HIF1A: variants seen among roughly 807,000 people sequenced by gnomAD.
The protein encoded by HIF1A is hypoxia-inducible factor 1-alpha.
A neutral mutation model predicts 92.7 loss-of-function variants in HIF1A; 24 were observed. The ratio of observed to expected loss-of-function variants is 0.26; its 90% CI spans 0.19 to 0.36. The LOEUF is 0.36. HIF1A is among the 10% of genes least tolerant of loss of function. The pLI, the probability that HIF1A is intolerant of heterozygous loss-of-function variation, is 1.00. For synonymous variants in HIF1A, 319 were observed against 338.7 expected (o/e 0.94, Z 0.64); for missense variants, 799 against 998.5 (o/e 0.80, Z 2.69).
intron 1 of HIF1A, among the ~76,000 whole-genome samples, chr14:61,710,504 T>C (rs2044294544): frequency 6.6e-6 from 1 of 152,178 alleles, no homozygotes; most frequent in South Asian, 2.1e-4. Flanking sequence ...TTAAAGTTTA[T>C]TGATTAGAAT....
chr14:61,705,675 G>A (rs998782535), intron 1 of HIF1A, among the ~76,000 whole-genome samples: 3 of 152,140 alleles, frequency 2.0e-5, no homozygotes, highest in African/African-American at 7.2e-5. Flanking sequence ...GGAAAAGGGT[G>A]GAGATTCTCA....
chr14:61,734,231 A>T lies in HIF1A; in HGVS notation c.974A>T (p.Tyr325Phe), dbSNP rs764016802. The T allele has an allele frequency of 1.2e-6, 2 of 1,613,226 alleles. No homozygotes were observed. Among genetic ancestry groups the T allele is most frequent in the Non-Finnish European group, 1.7e-6 (2 of 1,179,196 alleles). Residue 325 changes from tyrosine to phenylalanine, a missense_variant, in exon 8 of 15, where the codon TAT becomes TTT. Physicochemically the swap from Tyr to Phe is conservative, Grantham distance 22. Around this residue, in one of 2 missense-constraint regions of HIF1A, gnomAD observed 516 missense variants for 721.0 expected, o/e 0.72. Transcript: ENST00000337138. ...VWVETQATVI[Y>F]NTKNSQPQCI... ...GTTGAAACTCAAGCAACTGTCATATATAACACCAAGAATTCTCAACCACAG... is the reference window on the plus strand; with the variant it reads ...GTTGAAACTCAAGCAACTGTCATATTTAACACCAAGAATTCTCAACCACAG...
In HIF1A at chr14:61,727,737, C is replaced by T. The variant is rs17099143; in HGVS notation, c.773+82C>T. ...AATATTCACCATAGCAAAGATTCAG[C>T]GCTGGCCATGCATGGTGGCTCACAC... is the stretch of plus-strand genomic sequence containing the variant. On this transcript the variant is annotated intron_variant, in intron 6 of 14. Coordinates refer to ENST00000337138, the MANE Select transcript of HIF1A (RefSeq NM_001530.4). 3,483 of 1,058,048 alleles carry T rather than the reference C, an allele frequency of 3.3e-3. 74 individuals are homozygous for T. In the African/African-American group the frequency reaches 0.047, roughly 14 times the overall value. The allele number at this position is 1,058,048 out of a possible 1,614,324, so 65.5% of individuals were successfully genotyped here.
chr14:61,745,714 C>T lies in HIF1A; in HGVS notation c.2226C>T (p.Asp742=), dbSNP rs1323752718. Residue 742 remains aspartate (D), a synonymous_variant, in exon 14 of 15, where the codon GAC becomes GAT. Transcript: ENST00000337138. ...VGIGTLLQQP[D]DHAATTSLSW... is the part of the protein sequence containing the mutation. ...AGGGAACATTATTACAGCAGCCAGACGATCATGCAGCTACTACATCACTTT... is the reference window on the plus strand; with the variant it reads ...AGGGAACATTATTACAGCAGCCAGATGATCATGCAGCTACTACATCACTTT... 11 of 1,612,446 alleles carry T rather than the reference C, an allele frequency of 6.8e-6. No individual in the cohort carries two copies. Among genetic ancestry groups the T allele is most frequent in the East Asian group, 4.5e-5 (2 of 44,836 alleles).
At chr14:61,724,889 GAAT>G (rs2044484226) in intron 4 of HIF1A, among the ~76,000 whole-genome samples, 1 of 152,084 alleles carries the variant, frequency 6.6e-6, no homozygotes, top group Non-Finnish European at 1.5e-5. Flanking sequence ...GCCCCTTGTT[GAAT>G]ATTTAGGCAG....
chr14:61,729,483 A>C (rs2044548944), intron 6 of HIF1A, among the ~76,000 whole-genome samples: 1 of 151,776 alleles, frequency 6.6e-6, no homozygotes, highest in African/African-American at 2.4e-5. Context: ...ACAAAACAAA[A>C]AAAAGACCTC....
At position 61,741,078 on chromosome 14, in the gene HIF1A, T is replaced by C. The variant is rs1204872369; in HGVS notation, c.1983T>C (p.Asp661=). 2 of 1,613,758 alleles carry C rather than the reference T, an allele frequency of 1.2e-6. No individual in the cohort carries two copies. Among genetic ancestry groups the C allele is most frequent in the Admixed American group, 1.7e-5 (1 of 60,006 alleles). Residue 661 remains aspartate, a synonymous_variant, in exon 12 of 15, where the codon GAT becomes GAC. Coordinates refer to ENST00000337138, the MANE Select transcript of HIF1A (RefSeq NM_001530.4). ...TTSATSSPYR[D]TQSRTASPNR... ...GTGCCACATCATCACCATATAGAGATACTCAAAGTCGGACAGCCTCACCAA... is the reference window on the plus strand; with the variant it reads ...GTGCCACATCATCACCATATAGAGACACTCAAAGTCGGACAGCCTCACCAA...
intron 1 of HIF1A, among the ~76,000 whole-genome samples, chr14:61,712,178 A>G (rs563780319): frequency 1.3e-5 from 2 of 152,318 alleles, no homozygotes; most frequent in Non-Finnish European, 2.9e-5. Flanking sequence ...AGACTGCGAC[A>G]AAGACTTGAA....
In HIF1A at chr14:61,747,093, C is replaced by G; in HGVS notation, c.*8C>G. 1 of 1,597,296 alleles carries G rather than the reference C, an allele frequency of 6.3e-7. No homozygotes were observed. Among genetic ancestry groups the G allele is most frequent in the Non-Finnish European group, 8.5e-7 (1 of 1,175,270 alleles). On this transcript the variant is annotated 3_prime_UTR_variant, in exon 15 of 15. Coordinates refer to ENST00000337138, the MANE Select transcript of HIF1A (RefSeq NM_001530.4). Reference sequence around the variant, plus strand: ...TTGGATCAAGTTAACTGAGCTTTTTCTTAATTTCATTCCTTTTTTTGGACA... The same window carrying G: ...TTGGATCAAGTTAACTGAGCTTTTTGTTAATTTCATTCCTTTTTTTGGACA...
chr14:61,740,552 C>A lies in HIF1A; in HGVS notation c.1584C>A (p.Val528=). The A allele has an allele frequency of 6.3e-7, 1 of 1,599,298 alleles. No homozygotes were observed. Among genetic ancestry groups the A allele is most frequent in the South Asian group, 1.1e-5 (1 of 90,202 alleles). ...GTTTTTATGTGGATAGTGATATGGT[C>A]AATGAATTCAAGTTGGAATTGGTAG... is the stretch of plus-strand genomic sequence containing the variant. The part of the protein sequence containing the change: ...EYCFYVDSDM[V]NEFKLELVEK... The change falls in exon 11 of 15, where the codon GTC becomes GTA. Residue 528 remains valine (V), a synonymous_variant. Transcript: ENST00000337138.
rs1004126457 is a variant in HIF1A at position 61,697,628 on chromosome 14, A to G, written c.35+1789A>G. The stretch of plus-strand genomic sequence containing the variant: ...TTACTTTCAAAATTTTCTCATTTGA[A>G]AACTTGGCAACCTTGGATTGGATGG... On this transcript the variant is annotated intron_variant, in intron 1 of 14. Transcript: ENST00000337138. 4 of 1,110,682 alleles carry G rather than the reference A, an allele frequency of 3.6e-6. No homozygotes were observed. The African/African-American group carries it at 6.5e-5, about 18-fold the overall frequency. 68.8% of individuals were successfully genotyped at this position (1,110,682 alleles called of 1,614,324 possible).
rs10615564 is a variant in HIF1A, at chr14:61,711,207, C to CTTTTT, written c.36-9156_36-9152dup. On this transcript the variant is annotated intron_variant, in intron 1 of 14. Transcript: ENST00000337138. ...AGATGATAAAGATGTTTAAGTATTC[C>CTTTTT]TTTTTTTTTTTTTTTTTTTTTTTGA... Among the ~76,000 whole-genome samples, 115 of 86,122 alleles carry CTTTTT rather than the reference C, an allele frequency of 1.3e-3. 6 individuals carry two copies. Among genetic ancestry groups the CTTTTT allele is most frequent in the African/African-American group, 4.0e-3 (92 of 23,230 alleles). 56.5% of individuals were successfully genotyped at this position (86,122 alleles called of 152,430 possible). A position where few individuals can be genotyped will look rare whatever the true frequency, so the allele number is the denominator to read the frequency against.
intron 1 of HIF1A, among the ~76,000 whole-genome samples, chr14:61,700,664 C>G (rs1433299951): frequency 6.6e-6 from 1 of 152,188 alleles, no homozygotes; most frequent in Non-Finnish European, 1.5e-5. Flanking sequence ...AAGAGGGATG[C>G]TGGATCATAT....
chr14:61,743,338 T>C (rs2044737176), intron 12 of HIF1A, among the ~76,000 whole-genome samples: 1 of 152,174 alleles, frequency 6.6e-6, no homozygotes, highest in Non-Finnish European at 1.5e-5. Flanking sequence ...CCCAAAGTGC[T>C]GGGATGACAG....
At chr14:61,738,857 C>T (rs1258183727) in intron 10 of HIF1A, among the ~76,000 whole-genome samples, 1 of 152,206 alleles carries the variant, frequency 6.6e-6, no homozygotes, top group Admixed American at 6.5e-5. Context: ...CCACCTCAGC[C>T]TCCCAAGTAG....
Position 61,741,106 on chromosome 14 carries a change from A to G in HIF1A, c.2011A>G (p.Arg671Gly), listed in dbSNP as rs749692031. The G allele has an allele frequency of 2.3e-5, 37 of 1,614,034 alleles. No individual in the cohort carries two copies. Among genetic ancestry groups the G allele is most frequent in the Non-Finnish European group, 3.0e-5 (35 of 1,179,954 alleles). Residue 671 changes from arginine (R) to glycine (G), a missense_variant, in exon 12 of 15, where the codon AGA becomes GGA. By Grantham distance (125) the Arg-to-Gly change is moderately radical. Around this residue, in one of 2 missense-constraint regions of HIF1A, gnomAD observed 283 missense variants for 277.5 expected, o/e 1.02. Transcript: ENST00000337138. ...TCAAAGTCGGACAGCCTCACCAAAC[A>G]GAGCAGGAAAAGGAGTCATAGAACA... is the stretch of plus-strand genomic sequence containing the variant. ...DTQSRTASPNRAGKGVIEQTE... is the reference protein window; with the variant it reads ...DTQSRTASPNGAGKGVIEQTE...
chr14:61,696,807 T>C (rs963936525), intron 1 of HIF1A, among the ~76,000 whole-genome samples: 3 of 152,334 alleles, frequency 2.0e-5, no homozygotes, highest in Middle Eastern at 3.4e-3. Context: ...GAAATTGAAG[T>C]ATATTAAAGG....
At position 61,741,000 on chromosome 14, in the gene HIF1A, T is replaced by A; in HGVS notation, c.1905T>A (p.Ile635=). 6.2e-7 allele frequency: 1 copy of A among 1,614,106 alleles called. No individual in the cohort carries two copies. The change falls in exon 12 of 15, where the codon ATT becomes ATA. Residue 635 remains isoleucine, a synonymous_variant. Transcript: ENST00000337138. ...KTVTKDRMED[I]KILIASPSPT... is the part of the protein sequence containing the mutation. The stretch of plus-strand genomic sequence containing the variant: ...TGACAAAAGACCGTATGGAAGACAT[T>A]AAAATATTGATTGCATCTCCATCTC...
In HIF1A at chr14:61,734,278, G is replaced by A. The variant is rs142614329; in HGVS notation, c.1021G>A (p.Val341Ile). The A allele has an allele frequency of 3.1e-6, 5 of 1,604,736 alleles. No homozygotes were observed. The highest frequency in any genetic ancestry group is 1.7e-4 in the Middle Eastern group (1 of 6,034). ...QPQCIVCVNY[V>I]VSGIIQHDLI... is the part of the protein sequence containing the mutation. ...ACAGTGCATTGTATGTGTGAATTAC[G>A]TTGTGAGGTAAGTAAGTTTGAGAAA... The change falls in exon 8 of 15, where the codon GTT becomes ATT. Residue 341 changes from valine (V) to isoleucine (I), a missense_variant. By Grantham distance (29) the Val-to-Ile change is conservative. This residue lies in a region of HIF1A where 516 missense variants were observed against 721.0 expected (regional missense o/e 0.72). Transcript: ENST00000337138.
Sources: allele counts gnomAD v4.1 joint callset (sites outside exome capture counted in the v4.1 genomes callset), GRCh38; gene constraint gnomAD v4.1.1; regional missense constraint gnomAD v4.1.1; transcripts MANE v1.5; gene names NCBI Gene and HGNC (gene_info 2026-07-23, HGNC 2026-07-21).